The following AMOTL1 variants were observed in gnomAD, a reference collection of about 807,000 sequenced individuals.
AMOTL1 encodes the protein angiomotin-like protein 1.
In AMOTL1, 45 loss-of-function variants were observed where a neutral mutation model predicts 102.9. The observed-to-expected ratio is 0.44, with a 90% CI of 0.34 to 0.56. The LOEUF (loss-of-function observed/expected upper bound fraction) is 0.56. Ranked by LOEUF, AMOTL1 falls within the 20% of genes least tolerant of loss-of-function variation. AMOTL1 has a pLI of 0.01. For synonymous variants in AMOTL1, 481 were observed against 484.7 expected, an observed-to-expected ratio of 0.99 and a Z score of 0.10; for missense variants, 1,114 against 1,225.6, an observed-to-expected ratio of 0.91 and a Z score of 1.36.
rs757918959 is a variant in AMOTL1, at chr11:94,768,526, G to C, written c.15G>C (p.Lys5Asn). The stretch of plus-strand genomic sequence containing the variant: ...ATGATCGCCTCATGTGGAGGGCAAA[G>C]TTGCGCCGGGGAACTTGTGAGCCTG... MWRA[K>N]LRRGTCEPAV... Residue 5 changes from lysine (K) to asparagine (N), a missense_variant, in exon 1 of 13, where the codon AAG becomes AAC. By Grantham distance (94) the Lys-to-Asn change is moderately conservative (BLOSUM62 0). Coordinates refer to ENST00000433060, the MANE Select transcript of AMOTL1 (RefSeq NM_130847.3). The C allele has an allele frequency of 8.1e-6, 13 of 1,602,134 alleles. No individual in the cohort carries two copies. The Middle Eastern group carries it at 6.6e-4, about 81-fold the overall frequency.
chr11:94,767,151 T>G, upstream of AMOTL1, among the ~76,000 whole-genome samples: 1 of 152,236 alleles, frequency 6.6e-6, no homozygotes, highest in East Asian at 1.9e-4. Flanking sequence ...ACATCTTGTC[T>G]TCTTAGACAG....
intron 1 of AMOTL1, among the ~76,000 whole-genome samples, chr11:94,716,748 G>T (rs1324464263): frequency 6.6e-6 from 1 of 152,050 alleles, no homozygotes; most frequent in Non-Finnish European, 1.5e-5. Flanking sequence ...TATGGGATAG[G>T]TACCCTACTG....
chr11:94,867,015 C>G (rs1292556263), intron 11 of AMOTL1, among the ~76,000 whole-genome samples: 1 of 152,164 alleles, frequency 6.6e-6, no homozygotes, highest in Non-Finnish European at 1.5e-5. Context: ...ACTCTGGCCT[C>G]TCCAGGGGTC....
intron 4 of AMOTL1, among the ~76,000 whole-genome samples, chr11:94,829,845 G>A (rs546149752): frequency 6.6e-6 from 1 of 152,344 alleles, no homozygotes; most frequent in South Asian, 2.1e-4. Context: ...TTGTGAGCCT[G>A]TAATTTACAA....
chr11:94,867,297 A>G (rs1010449842), intron 11 of AMOTL1, among the ~76,000 whole-genome samples: 1 of 152,168 alleles, frequency 6.6e-6, no homozygotes, highest in Non-Finnish European at 1.5e-5. Context: ...AGCAGCTGAG[A>G]TCATCAAAGA....
At chr11:94,715,536 G>C (rs1950083730) in intron 1 of AMOTL1, among the ~76,000 whole-genome samples, 1 of 151,972 alleles carries the variant, frequency 6.6e-6, no homozygotes. Context: ...TTTAATGGTA[G>C]GTCTGTTGGT....
chr11:94,728,938 A>G, exon 2 of AMOTL1: 1 of 1,267,846 alleles, frequency 7.9e-7, no homozygotes, highest in Non-Finnish European at 1.0e-6. Context: ...CTTCCATTTG[A>G]TCTGAAAGCT....
At chr11:94,840,679 T>TACACAC (rs1347475318) in intron 6 of AMOTL1, among the ~76,000 whole-genome samples, 1 of 129,362 alleles carries the variant, frequency 7.7e-6, no homozygotes, top group African/African-American at 3.1e-5. Context: ...TATATATATA[T>TACACAC]ATACACACAC....
intron 1 of AMOTL1, among the ~76,000 whole-genome samples, chr11:94,789,037 C>A (rs541670414): frequency 7.2e-5 from 11 of 152,322 alleles, no homozygotes; most frequent in Admixed American, 7.2e-4. Flanking sequence ...CACCCCTCAA[C>A]CCCCAACTCC....
intron 1 of AMOTL1, among the ~76,000 whole-genome samples, chr11:94,792,018 C>CA (rs1320384570): frequency 1.3e-5 from 2 of 152,178 alleles, no homozygotes; most frequent in Admixed American, 1.3e-4. Flanking sequence ...ACATTACTGT[C>CA]ACGTTTCCTT....
chr11:94,806,681 A>G (rs902163763), intron 3 of AMOTL1, among the ~76,000 whole-genome samples: 2 of 152,198 alleles, frequency 1.3e-5, no homozygotes, highest in African/African-American at 2.4e-5. Flanking sequence ...CAGCATGGGT[A>G]TTTCAAGAAG....
At chr11:94,856,077 G>GTTGTTT (rs1952656694) in intron 8 of AMOTL1, among the ~76,000 whole-genome samples, 1 of 152,062 alleles carries the variant, frequency 6.6e-6, no homozygotes, top group Admixed American at 6.6e-5. Context: ...TGTTGTTGTT[G>GTTGTTT]TTTTAATGAG....
chr11:94,748,988 A>G (rs933113470), intron 3 of AMOTL1, among the ~76,000 whole-genome samples: 1 of 152,208 alleles, frequency 6.6e-6, no homozygotes, highest in Non-Finnish European at 1.5e-5. Flanking sequence ...TATGGGTTGC[A>G]TTAGGGTTCT....
chr11:94,726,050 T>C (rs918708176), intron 1 of AMOTL1, among the ~76,000 whole-genome samples: 1 of 152,074 alleles, frequency 6.6e-6, no homozygotes, highest in Non-Finnish European at 1.5e-5. Context: ...CAGAAGCAGA[T>C]GGATTATTGA....
Position 94,856,880 on chromosome 11 carries a change from C to A in AMOTL1, c.1945-2645C>A, listed in dbSNP as rs892253025. Among the ~76,000 whole-genome samples the A allele has an allele frequency of 2.2e-4, 33 of 152,304 alleles. No homozygotes were observed. In the Middle Eastern group the frequency reaches 0.014, roughly 63 times the overall value. ...ATCAACAGCCCAGACAAGGGCTCTG[C>A]CCTTTGACTTATGCCGGGACACAGC... On this transcript the variant is annotated intron_variant, in intron 8 of 12. Coordinates refer to ENST00000433060, the MANE Select transcript of AMOTL1 (RefSeq NM_130847.3).
intron 2 of AMOTL1, among the ~76,000 whole-genome samples, chr11:94,796,704 G>C (rs192349049): frequency 6.6e-6 from 1 of 151,974 alleles, no homozygotes; most frequent in Admixed American, 6.6e-5. Flanking sequence ...AAAATTAGGG[G>C]GCCATCACGG....
chr11:94,784,673 G>A (rs560532674), intron 1 of AMOTL1, among the ~76,000 whole-genome samples: 3 of 152,246 alleles, frequency 2.0e-5, no homozygotes, highest in African/African-American at 7.2e-5. Flanking sequence ...CTTAAAATGT[G>A]ATTTATTTAC....
chr11:94,792,244 C>T (rs958792210), intron 1 of AMOTL1, among the ~76,000 whole-genome samples: 4 of 152,166 alleles, frequency 2.6e-5, no homozygotes, highest in Non-Finnish European at 4.4e-5. Flanking sequence ...ACCACATGTT[C>T]TCACTCATAG....
At chr11:94,855,909 C>T (rs536065593) in intron 8 of AMOTL1, among the ~76,000 whole-genome samples, 2 of 152,170 alleles carry the variant, frequency 1.3e-5, no homozygotes, top group East Asian at 1.9e-4. Flanking sequence ...GAGGCTCTCC[C>T]GGGAAATTAC....
Sources: allele counts gnomAD v4.1 joint callset (sites outside exome capture counted in the v4.1 genomes callset), GRCh38; gene constraint gnomAD v4.1.1; transcripts MANE v1.5; gene names NCBI Gene and HGNC (gene_info 2026-07-23, HGNC 2026-07-21).